The following DESI2 variants were observed in gnomAD, a reference collection of about 807,000 sequenced individuals.
DESI2 encodes deubiquitinase DESI2.
A neutral mutation model predicts 24.1 loss-of-function variants in DESI2; 10 were observed. That is an observed-to-expected ratio of 0.41 (90% confidence interval 0.26 to 0.70). DESI2 has a LOEUF of 0.70. Among genes scored for constraint, DESI2 ranks in the 30% least tolerant of loss-of-function variants. DESI2 has a pLI of 0.29. For synonymous variants in DESI2, 71 were observed against 87.7 expected (o/e 0.81, Z 1.06); for missense variants, 122 against 234.9 (o/e 0.52, Z 3.14).
intron 1 of DESI2, among the ~76,000 whole-genome samples, chr1:244,654,417 T>G (rs2148775476): frequency 6.6e-6 from 1 of 152,340 alleles, no homozygotes; most frequent in African/African-American, 2.4e-5. Flanking sequence ...TTGTATTCCC[T>G]TGTATTATTT....
chr1:244,675,055 G>A (rs1444032115), intron 1 of DESI2, among the ~76,000 whole-genome samples: 1 of 152,164 alleles, frequency 6.6e-6, no homozygotes, highest in Non-Finnish European at 1.5e-5. Flanking sequence ...CATCTGAGTA[G>A]GTGTGACATG....
At chr1:244,680,035 T>TAA (rs72136348) in intron 1 of DESI2, among the ~76,000 whole-genome samples, 13 of 58,880 alleles carry the variant, frequency 2.2e-4, no homozygotes, top group African/African-American at 7.1e-4. Flanking sequence ...TTTTTTTTTT[T>TAA]TAAACAAAAA....
intron 1 of DESI2, among the ~76,000 whole-genome samples, chr1:244,658,065 C>G (rs189128591): frequency 2.0e-5 from 3 of 152,312 alleles, no homozygotes; most frequent in African/African-American, 7.2e-5. Context: ...AAATCGGTTA[C>G]TTTATCCCCA....
intron 4 of DESI2, among the ~76,000 whole-genome samples, chr1:244,703,495 A>G (rs1677562203): frequency 6.6e-6 from 1 of 152,050 alleles, no homozygotes; most frequent in African/African-American, 2.4e-5. Flanking sequence ...AGCTGAGGCT[A>G]CAGGCACACA....
At chr1:244,664,919 C>A (rs994773131) in intron 1 of DESI2, among the ~76,000 whole-genome samples, 2 of 152,136 alleles carry the variant, frequency 1.3e-5, no homozygotes, top group African/African-American at 4.8e-5. Flanking sequence ...CATGTTTGTT[C>A]CCAAGTGGAA....
At chr1:244,671,610 G>A (rs1010926212) in intron 1 of DESI2, among the ~76,000 whole-genome samples, 15 of 152,164 alleles carry the variant, frequency 9.9e-5, no homozygotes, top group Non-Finnish European at 1.9e-4. Flanking sequence ...TTTTTCTCAA[G>A]TATGTGTTTT....
intron 1 of DESI2, among the ~76,000 whole-genome samples, chr1:244,681,139 A>C (rs1478279647): frequency 6.6e-6 from 1 of 152,118 alleles, no homozygotes; most frequent in Non-Finnish European, 1.5e-5. Context: ...CTCACCTTAC[A>C]CATTTTTGCC....
intron 1 of DESI2, among the ~76,000 whole-genome samples, chr1:244,672,313 C>G (rs887447154): frequency 6.6e-6 from 1 of 152,054 alleles, no homozygotes; most frequent in Admixed American, 6.6e-5. Context: ...TTAAAAGAGC[C>G]GGGACCTCCC....
chr1:244,694,346 A>C, intron 4 of DESI2: 3 of 557,768 alleles, frequency 5.4e-6, no homozygotes, highest in South Asian at 1.5e-5. Context: ...ACATGTATAA[A>C]TTATGTAAAG....
intron 1 of DESI2, among the ~76,000 whole-genome samples, chr1:244,661,488 C>T (rs1270146761): frequency 6.6e-6 from 1 of 151,942 alleles, no homozygotes; most frequent in Non-Finnish European, 1.5e-5. Flanking sequence ...TATACATGTG[C>T]CGTGTTGGTG....
rs749277308 is a variant in DESI2 at position 244,686,262 on chromosome 1, GTGTA to G, written c.43-331_43-328del. ...ATGAAAGCACACTCTGTGTGTGTGT[GTGTA>G]TGTGTGTGTGTGTGTGTGTAAGTCA... On this transcript the variant is annotated intron_variant, in intron 1 of 4. Transcript: ENST00000302550. Among the ~76,000 whole-genome samples the G allele has an allele frequency of 9.7e-3, 1,444 of 149,396 alleles. 7 individuals carry two copies. The highest frequency in any genetic ancestry group is 0.021 in the African/African-American group (856 of 41,106).
At chr1:244,690,233 C>T (rs1429218850) in intron 3 of DESI2, among the ~76,000 whole-genome samples, 3 of 152,108 alleles carry the variant, frequency 2.0e-5, no homozygotes, top group East Asian at 1.9e-4. Context: ...TCCCACCCCG[C>T]GACAGGCCCT....
In DESI2 at chr1:244,706,788, T is replaced by C. The variant is rs1434436823; in HGVS notation, c.*999T>C. Reference sequence around the variant, plus strand: ...AGTAGTTCTTTGATATTTTATACTTTTTATGTACCATGTCAGAAAGAGTAT... The same window carrying C: ...AGTAGTTCTTTGATATTTTATACTTCTTATGTACCATGTCAGAAAGAGTAT... On this transcript the variant is annotated 3_prime_UTR_variant, in exon 5 of 5. Transcript: ENST00000302550. 2 of 152,600 alleles carry C rather than the reference T, an allele frequency of 1.3e-5. No individual in the cohort carries two copies. The highest frequency in any genetic ancestry group is 2.9e-5 in the Non-Finnish European group (2 of 68,044). 9.5% of individuals were successfully genotyped at this position (152,600 alleles called of 1,614,324 possible).
intron 3 of DESI2, 31 bp from the exon 4 acceptor site, chr1:244,691,844 TTTTC>T (rs774012067): frequency 5.3e-6 from 8 of 1,512,170 alleles, no homozygotes; most frequent in South Asian, 3.9e-5. Flanking sequence ...ATGTCCTTAT[TTTTC>T]TTTCTCTTTT....
chr1:244,658,440 T>G (rs905189489), intron 1 of DESI2, among the ~76,000 whole-genome samples: 6 of 152,202 alleles, frequency 3.9e-5, no homozygotes, highest in South Asian at 2.1e-4. Flanking sequence ...TGGCTGTAGC[T>G]TAGTCTTTAT....
chr1:244,655,557 A>T (rs1675616908), intron 1 of DESI2, among the ~76,000 whole-genome samples: 1 of 152,192 alleles, frequency 6.6e-6, no homozygotes, highest in Admixed American at 6.5e-5. Flanking sequence ...TCTTTAAGGA[A>T]TTTAGAGTAT....
At chr1:244,677,361 C>G (rs140736769) in intron 1 of DESI2, among the ~76,000 whole-genome samples, 1 of 152,216 alleles carries the variant, frequency 6.6e-6, no homozygotes, top group East Asian at 1.9e-4. Context: ...CCTTGGAATC[C>G]TTTTCATTTC....
chr1:244,653,642 C>G (rs1235245222), intron 1 of DESI2: 1 of 513,574 alleles, frequency 1.9e-6, no homozygotes, highest in African/African-American at 2.0e-5. Context: ...GGCCCGACCC[C>G]TTGGCCGACG....
intron 1 of DESI2, among the ~76,000 whole-genome samples, chr1:244,672,604 C>T (rs1221714621): frequency 6.6e-5 from 10 of 152,160 alleles, no homozygotes; most frequent in Non-Finnish European, 1.3e-4. Context: ...GTTGGCCACG[C>T]GTGGTGGCTC....
Sources: allele counts gnomAD v4.1 joint callset (sites outside exome capture counted in the v4.1 genomes callset), GRCh38; gene constraint gnomAD v4.1.1; transcripts MANE v1.5; gene names NCBI Gene and HGNC (gene_info 2026-07-23, HGNC 2026-07-21).